The following UNC5C variants were observed in gnomAD, a reference collection of about 807,000 sequenced individuals.
The protein encoded by UNC5C is netrin receptor UNC5C.
UNC5C carries 47 observed loss-of-function variants against 99.8 expected under a neutral mutation model. The observed-to-expected ratio is 0.47, with a 90% CI of 0.37 to 0.60. The LOEUF (loss-of-function observed/expected upper bound fraction) is 0.60. UNC5C is among the 20% of genes least tolerant of loss of function. The probability of loss-of-function intolerance (pLI) is 0.00; values close to 1 mark genes in which losing one functional copy is unlikely to be tolerated. For missense variants in UNC5C, 1,062 were observed against 1,165.9 expected (o/e 0.91, Z 1.30); for synonymous variants, 487 against 452.2 (o/e 1.08, Z -0.98).
chr4:95,343,741 A>G (rs1743664929), intron 1 of UNC5C, among the ~76,000 whole-genome samples: 1 of 152,140 alleles, frequency 6.6e-6, no homozygotes, highest in Admixed American at 6.6e-5. Flanking sequence ...AGAGAAATGG[A>G]AATAATTAAA....
intron 1 of UNC5C, among the ~76,000 whole-genome samples, chr4:95,547,828 G>A (rs1413942529): frequency 2.0e-5 from 3 of 152,188 alleles, no homozygotes; most frequent in Non-Finnish European, 2.9e-5. Flanking sequence ...GAAGGGAGCC[G>A]GGCGATCAGC....
At chr4:95,485,746 A>G (rs565388192) in intron 1 of UNC5C, among the ~76,000 whole-genome samples, 1 of 151,866 alleles carries the variant, frequency 6.6e-6, no homozygotes, top group South Asian at 2.1e-4. Context: ...ATTTTTTCCT[A>G]TAATTTATTT....
intron 1 of UNC5C, among the ~76,000 whole-genome samples, chr4:95,437,052 G>A (rs6854070): frequency 0.9 from 134,742 of 149,710 alleles, 60,791 homozygotes; most frequent in Admixed American, 0.94. Flanking sequence ...CTTTCTCACT[G>A]AGGAAATAAA....
intron 5 of UNC5C, among the ~76,000 whole-genome samples, chr4:95,249,942 C>T (rs930663495): frequency 3.3e-5 from 5 of 152,176 alleles, no homozygotes; most frequent in Middle Eastern, 3.4e-3. Flanking sequence ...TGAGGGTTTG[C>T]AATGATAAGA....
intron 1 of UNC5C, among the ~76,000 whole-genome samples, chr4:95,349,086 A>C (rs1743887155): frequency 6.6e-6 from 1 of 151,540 alleles, no homozygotes; most frequent in Admixed American, 6.6e-5. Flanking sequence ...CAGTCAACAA[A>C]AATTTATTAT....
chr4:95,508,818 C>T (rs1169471075), intron 1 of UNC5C, among the ~76,000 whole-genome samples: 3 of 151,812 alleles, frequency 2.0e-5, no homozygotes, highest in African/African-American at 7.2e-5. Flanking sequence ...TTGAGATGTC[C>T]TACAGTAAAG....
chr4:95,434,897 C>A (rs1006808442), intron 1 of UNC5C, among the ~76,000 whole-genome samples: 1 of 152,062 alleles, frequency 6.6e-6, no homozygotes, highest in Non-Finnish European at 1.5e-5. Context: ...AAAGCCCATT[C>A]CCTACCAATA....
chr4:95,484,834 A>G (rs1721279136), intron 1 of UNC5C, among the ~76,000 whole-genome samples: 1 of 151,838 alleles, frequency 6.6e-6, no homozygotes, highest in Non-Finnish European at 1.5e-5. Context: ...GACCAAGGTT[A>G]AAGTAGTGAA....
At chr4:95,218,138 T>A (rs1397583720) in intron 9 of UNC5C, among the ~76,000 whole-genome samples, 1 of 152,188 alleles carries the variant, frequency 6.6e-6, no homozygotes, top group Non-Finnish European at 1.5e-5. Flanking sequence ...ACTTTAGGTA[T>A]TTACATTTTA....
intron 12 of UNC5C, among the ~76,000 whole-genome samples, chr4:95,187,322 G>C (rs952272514): frequency 6.6e-6 from 1 of 152,098 alleles, no homozygotes; most frequent in African/African-American, 2.4e-5. Flanking sequence ...CGTCTAAAGA[G>C]CAATCGATAG....
At chr4:95,421,879 C>A (rs1165864237) in intron 1 of UNC5C, among the ~76,000 whole-genome samples, 4 of 152,056 alleles carry the variant, frequency 2.6e-5, no homozygotes, top group Non-Finnish European at 5.9e-5. Flanking sequence ...TCTTTATTAT[C>A]GAAGACTTAG....
chr4:95,182,455 C>A (rs573548533), intron 14 of UNC5C, among the ~76,000 whole-genome samples: 1 of 152,108 alleles, frequency 6.6e-6, no homozygotes, highest in East Asian at 1.9e-4. Flanking sequence ...TTCTTCCACT[C>A]CACCCAGCAG....
At chr4:95,478,555 T>A (rs146582890) in intron 1 of UNC5C, among the ~76,000 whole-genome samples, 1 of 152,144 alleles carries the variant, frequency 6.6e-6, no homozygotes, top group Non-Finnish European at 1.5e-5. Context: ...AGTGGTTATT[T>A]CTATTCCACA....
At chr4:95,538,465 T>C (rs553074999) in intron 1 of UNC5C, among the ~76,000 whole-genome samples, 1 of 152,318 alleles carries the variant, frequency 6.6e-6, no homozygotes, top group African/African-American at 2.4e-5. Flanking sequence ...AGACCCTCTT[T>C]TTAAACTTGC....
chr4:95,340,684 A>G (rs148900323), intron 1 of UNC5C, among the ~76,000 whole-genome samples: 21 of 152,236 alleles, frequency 1.4e-4, no homozygotes, highest in African/African-American at 5.1e-4. Context: ...TTTTAAAGAA[A>G]TACTTGCCAA....
At chr4:95,399,927 G>C (rs1478743085) in intron 1 of UNC5C, among the ~76,000 whole-genome samples, 1 of 151,940 alleles carries the variant, frequency 6.6e-6, no homozygotes, top group East Asian at 1.9e-4. Context: ...ACAGCTATAG[G>C]GACTGCATCT....
At chr4:95,372,106 A>G (rs952507986) in intron 1 of UNC5C, among the ~76,000 whole-genome samples, 5 of 152,148 alleles carry the variant, frequency 3.3e-5, no homozygotes, top group Non-Finnish European at 5.9e-5. Flanking sequence ...CCTGTTGTTT[A>G]ATGCTAATTT....
intron 3 of UNC5C, among the ~76,000 whole-genome samples, chr4:95,282,617 A>G (rs186217764): frequency 2.6e-5 from 4 of 152,306 alleles, no homozygotes; most frequent in Admixed American, 2.6e-4. Flanking sequence ...CTGGACAGCC[A>G]TGTAGAAATA....
chr4:95,366,704 G>T (rs1744582443), intron 1 of UNC5C, among the ~76,000 whole-genome samples: 1 of 152,174 alleles, frequency 6.6e-6, no homozygotes, highest in Admixed American at 6.5e-5. Flanking sequence ...ACAACCCTAA[G>T]AGGTCTTCTG....
Sources: allele counts gnomAD v4.1 joint callset (sites outside exome capture counted in the v4.1 genomes callset), GRCh38; gene constraint gnomAD v4.1.1; transcripts MANE v1.5; gene names NCBI Gene and HGNC (gene_info 2026-07-23, HGNC 2026-07-21).